Variants in GRIP1 observed in about 807,000 individuals in gnomAD.
GRIP1 encodes glutamate receptor interacting protein 1.
GRIP1 carries 45 observed loss-of-function variants against 129.9 expected under a neutral mutation model. That is an observed-to-expected ratio of 0.35 (90% CI 0.27 to 0.44). GRIP1 has a LOEUF of 0.44. Ranked by LOEUF, GRIP1 falls within the 20% of genes least tolerant of loss-of-function variation. The pLI is 1.00. For missense variants in GRIP1, 1,196 were observed against 1,396.8 expected (o/e 0.86, Z 2.29); for synonymous variants, 530 against 520.8 (o/e 1.02, Z -0.24).
chr12:66,808,261 G>GC (rs1323388116), upstream of GRIP1, among the ~76,000 whole-genome samples: 4 of 152,056 alleles, frequency 2.6e-5, no homozygotes, highest in Admixed American at 2.6e-4. Flanking sequence ...ATTTTGTTTG[G>GC]CTCACATGAA....
chr12:66,843,786 A>T (rs1921005), intron 1 of GRIP1, among the ~76,000 whole-genome samples: 1 of 152,094 alleles, frequency 6.6e-6, no homozygotes, highest in African/African-American at 2.4e-5. Flanking sequence ...ACCTTACACC[A>T]TATATAAAAA....
intron 1 of GRIP1, among the ~76,000 whole-genome samples, chr12:66,624,814 CA>C (rs770935989): frequency 6.6e-6 from 1 of 152,258 alleles, no homozygotes. Context: ...TTTCATTTAG[CA>C]CGAGCAACAT....
intron 1 of GRIP1, among the ~76,000 whole-genome samples, chr12:66,604,230 C>T (rs1565902521): frequency 6.6e-6 from 1 of 152,190 alleles, no homozygotes; most frequent in South Asian, 2.1e-4. Flanking sequence ...CTAGTCTGCT[C>T]AGTGATGCCT....
chr12:66,702,241 T>C (rs1430275666), intron 1 of GRIP1, among the ~76,000 whole-genome samples: 1 of 152,184 alleles, frequency 6.6e-6, no homozygotes, highest in Non-Finnish European at 1.5e-5. Context: ...ATGCATTTAA[T>C]TTACTCTTCA....
At chr12:66,712,911 G>A (rs1449706086) in intron 1 of GRIP1, among the ~76,000 whole-genome samples, 2 of 151,870 alleles carry the variant, frequency 1.3e-5, no homozygotes, top group African/African-American at 2.4e-5. Context: ...TGAGGGCAGG[G>A]GCTACATCTT....
intron 1 of GRIP1, among the ~76,000 whole-genome samples, chr12:67,062,986 T>C (rs2043560278): frequency 6.6e-6 from 1 of 152,214 alleles, no homozygotes; most frequent in South Asian, 2.1e-4. Flanking sequence ...AAACATACCA[T>C]TAAAATGGTA....
intron 1 of GRIP1, among the ~76,000 whole-genome samples, chr12:67,065,593 C>G (rs1379068448): frequency 6.6e-6 from 1 of 151,928 alleles, no homozygotes; most frequent in African/African-American, 2.4e-5. Flanking sequence ...TTCTCTTTTC[C>G]TCAATAATAA....
chr12:67,018,597 T>C (rs771258380), intron 1 of GRIP1, among the ~76,000 whole-genome samples: 5 of 152,266 alleles, frequency 3.3e-5, no homozygotes, highest in Non-Finnish European at 7.4e-5. Flanking sequence ...TGGATATTAC[T>C]TCTTGTGTCA....
intron 15 of GRIP1, among the ~76,000 whole-genome samples, chr12:66,408,200 T>C (rs976878694): frequency 1.3e-5 from 2 of 152,246 alleles, no homozygotes; most frequent in Admixed American, 6.5e-5. Context: ...GCAGCATGGC[T>C]GGGCGCGGTG....
At chr12:66,779,474 A>C (rs1446400877) in intron 1 of GRIP1, among the ~76,000 whole-genome samples, 1 of 152,232 alleles carries the variant, frequency 6.6e-6, no homozygotes, top group Admixed American at 6.5e-5. Flanking sequence ...GGATACAAGA[A>C]GACCTTCTGG....
rs1266333127 is a variant in GRIP1 at position 66,348,494 on chromosome 12, ATAACT to A, written c.*520_*524del. On this transcript the variant is annotated 3_prime_UTR_variant, in exon 25 of 25. Transcript: ENST00000359742. Reference sequence around the variant, plus strand: ...TGCATCATTGCTGAAACATTTTAAGATAACTTAATTTTATACCTGTACCCCTCCCA... The same window carrying A: ...TGCATCATTGCTGAAACATTTTAAGATAATTTTATACCTGTACCCCTCCCA... The A allele has an allele frequency of 1.2e-5, 2 of 164,148 alleles. No individual in the cohort carries two copies. Among genetic ancestry groups the A allele is most frequent in the African/African-American group, 4.8e-5 (2 of 41,522 alleles). The allele number at this position is 164,148 out of a possible 1,614,324, so 10.2% of individuals were successfully genotyped here.
At chr12:66,786,689 A>T (rs774278406) in intron 1 of GRIP1, among the ~76,000 whole-genome samples, 32 of 152,242 alleles carry the variant, frequency 2.1e-4, no homozygotes, top group Non-Finnish European at 4.0e-4. Context: ...GCCTTGGTCT[A>T]TTGGCTCTCC....
At chr12:66,818,610 T>C (rs1442025411) in intron 1 of GRIP1, among the ~76,000 whole-genome samples, 1 of 152,216 alleles carries the variant, frequency 6.6e-6, no homozygotes, top group Non-Finnish European at 1.5e-5. Context: ...TGCAACAGAG[T>C]GCTTTAAAAG....
chr12:66,465,315 T>C lies in GRIP1; in HGVS notation c.832A>G (p.Ile278Val). Residue 278 changes from isoleucine (I) to valine (V), a missense_variant, in exon 8 of 25, where the codon ATT becomes GTT. Coordinates refer to ENST00000359742, the MANE Select transcript of GRIP1 (RefSeq NM_001366722.1). ...TTSMCCNKQV[I>V]VIDKIKSASI... ...GCAGATTTGATTTTGTCTATGACAA[T>C]GACTTGTTTGTTACAGCACATCGAG... 2 of 1,613,980 alleles carry C rather than the reference T, an allele frequency of 1.2e-6. No individual in the cohort carries two copies. The highest frequency in any genetic ancestry group is 2.2e-5 in the East Asian group (1 of 44,882).
At chr12:66,928,159 T>C (rs899640980) in intron 1 of GRIP1, among the ~76,000 whole-genome samples, 2 of 152,234 alleles carry the variant, frequency 1.3e-5, no homozygotes, top group African/African-American at 4.8e-5. Context: ...GTGTTTTCTC[T>C]TACTTACAGT....
chr12:66,580,430 A>G (rs2063329120), intron 2 of GRIP1, among the ~76,000 whole-genome samples: 1 of 152,064 alleles, frequency 6.6e-6, no homozygotes, highest in Non-Finnish European at 1.5e-5. Context: ...ATGTAAAGGG[A>G]CTAAATGCTC....
At chr12:66,674,230 T>C (rs1213830081) in intron 1 of GRIP1, among the ~76,000 whole-genome samples, 1 of 152,032 alleles carries the variant, frequency 6.6e-6, no homozygotes, top group Non-Finnish European at 1.5e-5. Flanking sequence ...GAGGAATCAT[T>C]AGAGAAGACT....
chr12:66,990,991 A>AT (rs11387688), intron 1 of GRIP1, among the ~76,000 whole-genome samples: 2 of 151,458 alleles, frequency 1.3e-5, no homozygotes, highest in East Asian at 3.9e-4. Flanking sequence ...AAAAAAAAAA[A>AT]GAAAGAAAAA....
intron 1 of GRIP1, among the ~76,000 whole-genome samples, chr12:66,754,246 C>T (rs4144507): frequency 0.64 from 96,523 of 151,940 alleles, 30,803 homozygotes; most frequent in Middle Eastern, 0.79. Flanking sequence ...CCACAAGTAA[C>T]TGAAAAAAGG....
Sources: gnomAD v4.1 joint callset for allele counts (sites outside exome capture counted in the v4.1 genomes callset) on GRCh38, gnomAD v4.1.1 for gene constraint, MANE v1.5 for transcripts, NCBI Gene and HGNC (gene_info 2026-07-23, HGNC 2026-07-21) for gene names.